DNMT3A: variants seen among roughly 807,000 people sequenced by gnomAD.
DNMT3A encodes DNA methyltransferase 3 alpha.
DNMT3A carries 267 observed loss-of-function variants against 117.6 expected under a neutral mutation model. The observed-to-expected ratio is 2.27, with a 90% CI of 2.05 to 2.51. The LOEUF (loss-of-function observed/expected upper bound fraction) is 2.51. DNMT3A is among the 30% of genes most tolerant of loss of function. DNMT3A has a pLI of 0.00. For missense variants in DNMT3A, 1,029 were observed against 1,260.2 expected (o/e 0.82, Z 2.78); for synonymous variants, 432 against 474.8 (o/e 0.91, Z 1.17).
At chr2:25,312,066 GC>G (rs1165461248) in intron 2 of DNMT3A, among the ~76,000 whole-genome samples, 1 of 152,156 alleles carries the variant, frequency 6.6e-6, no homozygotes, top group Non-Finnish European at 1.5e-5. Flanking sequence ...ACCAGTGACT[GC>G]CAGTGCATTG....
chr2:25,273,487 C>T (rs1472323177), intron 6 of DNMT3A, among the ~76,000 whole-genome samples: 1 of 152,166 alleles, frequency 6.6e-6, no homozygotes, highest in Non-Finnish European at 1.5e-5. Context: ...GGGGTAAAGA[C>T]GAAATGAGAG....
At chr2:25,249,337 C>G (rs1675240932) in intron 6 of DNMT3A, among the ~76,000 whole-genome samples, 1 of 152,202 alleles carries the variant, frequency 6.6e-6, no homozygotes, top group South Asian at 2.1e-4. Flanking sequence ...GTGATGTCTG[C>G]TGACGAAGAA....
chr2:25,260,056 T>C (rs897445953), intron 6 of DNMT3A, among the ~76,000 whole-genome samples: 1 of 152,196 alleles, frequency 6.6e-6, no homozygotes, highest in Non-Finnish European at 1.5e-5. Flanking sequence ...GCCCTATCAA[T>C]TACCCGGAGA....
At position 25,239,125 on chromosome 2, in the gene DNMT3A, C is replaced by T. The variant is rs760540599; in HGVS notation, c.2408+5G>A. 5.6e-6 allele frequency: 9 copies of T among 1,613,652 alleles called. No individual in the cohort carries two copies. The highest frequency in any genetic ancestry group is 1.1e-5 in the South Asian group (1 of 91,050). ...AGCCCCCCAGGCCCAGGAGCTTTCA[C>T]CAACCTGTTCATACCGGGAAGGTTA... On this transcript the variant is annotated splice_donor_5th_base_variant and intron_variant, in intron 20 of 22. Coordinates refer to ENST00000321117, the MANE Select transcript of DNMT3A (RefSeq NM_022552.5).
At chr2:25,310,699 G>T (rs55928417) in intron 2 of DNMT3A, among the ~76,000 whole-genome samples, 62,658 of 152,112 alleles carry the variant, frequency 0.41, 13,238 homozygotes, top group Middle Eastern at 0.48. Context: ...TTCCAGGTCC[G>T]GGGGATTCAC....
At chr2:25,309,343 G>A (rs1026222739) in intron 2 of DNMT3A, among the ~76,000 whole-genome samples, 28 of 152,240 alleles carry the variant, frequency 1.8e-4, no homozygotes, top group Admixed American at 1.8e-3. Flanking sequence ...AGGAGGGCAG[G>A]AGGCAGGAAG....
chr2:25,275,214 G>T (rs2031296178), intron 5 of DNMT3A, 127 bp from the exon 6 acceptor site: 3 of 1,347,044 alleles, frequency 2.2e-6, no homozygotes, highest in Non-Finnish European at 9.8e-7. Context: ...GGAGTGCTGG[G>T]CAGGCCCCGT....
At position 25,275,065 on chromosome 2, in the gene DNMT3A, C is replaced by G. The variant is rs201159986; in HGVS notation, c.515G>C (p.Gly172Ala). 2.5e-6 allele frequency: 4 copies of G among 1,596,524 alleles called. No homozygotes were observed. The African/African-American group carries it at 5.3e-5, about 21-fold the overall frequency. The stretch of plus-strand genomic sequence containing the variant: ...GAGGCTGGACTCCCAGCCCAAGCCA[C>G]CCCGCAGCCGGCCCCGGGAGCCCTA... Reference protein sequence around the residue: ...KMEGSRGRLRGGLGWESSLRQ... With the variant: ...KMEGSRGRLRAGLGWESSLRQ... The change falls in exon 6 of 23, where the codon GGT becomes GCT. Residue 172 changes from glycine (G) to alanine (A), a missense_variant. Coordinates refer to ENST00000321117, the MANE Select transcript of DNMT3A (RefSeq NM_022552.5).
intron 6 of DNMT3A, chr2:25,251,828 A>C: frequency 3.0e-6 from 1 of 338,058 alleles, no homozygotes; most frequent in Non-Finnish European, 5.4e-6. Context: ...GGGAAGTGCC[A>C]GGCACCCATC....
intron 4 of DNMT3A, among the ~76,000 whole-genome samples, chr2:25,277,597 C>T (rs1275741721): frequency 3.3e-5 from 5 of 152,238 alleles, no homozygotes; most frequent in South Asian, 4.1e-4. Context: ...ATTTTCTCCC[C>T]AGCCCGCTTT....
chr2:25,303,403 G>A (rs1362877019), intron 2 of DNMT3A, among the ~76,000 whole-genome samples: 1 of 152,244 alleles, frequency 6.6e-6, no homozygotes, highest in Non-Finnish European at 1.5e-5. Context: ...CACCACGTGT[G>A]CAGGGCCTGT....
In DNMT3A at chr2:25,247,071, CTTTGCGGT is replaced by C; in HGVS notation, c.1094_1101del (p.Tyr365CysfsTer25). On this transcript the variant is annotated frameshift_variant, in exon 9 of 23. Transcript: ENST00000321117. LOFTEE classifies it high-confidence loss of function. This position sits in a 1 kb window ranked among gnomAD's most constrained non-coding sequence, Gnocchi z 5.6. ...CTCACCTGCAGGACCTCGTAGATGG[CTTTGCGGT>C]ACATGGGCTGCTTGTTGTACGTGGC... is the stretch of plus-strand genomic sequence containing the variant. 1 of 1,614,130 alleles carries C rather than the reference CTTTGCGGT, an allele frequency of 6.2e-7. No individual in the cohort carries two copies. The highest frequency in any genetic ancestry group is 2.2e-5 in the East Asian group (1 of 44,886).
intron 6 of DNMT3A, among the ~76,000 whole-genome samples, chr2:25,251,281 C>A (rs1675521722): frequency 6.6e-6 from 1 of 151,840 alleles, no homozygotes; most frequent in Non-Finnish European, 1.5e-5. Flanking sequence ...TTTCCCTCTG[C>A]ACTCCTGCCT....
intron 2 of DNMT3A, among the ~76,000 whole-genome samples, chr2:25,307,018 T>C (rs1185053395): frequency 1.3e-5 from 2 of 152,158 alleles, no homozygotes; most frequent in Non-Finnish European, 2.9e-5. Context: ...CCGTGTGGCC[T>C]CTCTAAGCCC....
At position 25,244,267 on chromosome 2, in the gene DNMT3A, G is replaced by A. The variant is rs773048923; in HGVS notation, c.1739C>T (p.Pro580Leu). The A allele has an allele frequency of 6.2e-7, 1 of 1,613,732 alleles. No individual in the cohort carries two copies. The change falls in exon 15 of 23, where the codon CCC becomes CTC. Residue 580 changes from proline to leucine, a missense_variant. Physicochemically the swap from Pro to Leu is moderately conservative, Grantham distance 98 (BLOSUM62 -3). Coordinates refer to ENST00000321117, the MANE Select transcript of DNMT3A (RefSeq NM_022552.5). The stretch of plus-strand genomic sequence containing the variant: ...GTGCCCGCACATGTAGCAGTTCCAG[G>A]GGTCTTCCTTAATGGCTGCCTGGGC... ...GAAQAAIKED[P>L]WNCYMCGHKG...
At chr2:25,253,839 TGAGGCAGGCG>T (rs1675878053) in intron 6 of DNMT3A, among the ~76,000 whole-genome samples, 1 of 152,162 alleles carries the variant, frequency 6.6e-6, no homozygotes, top group African/African-American at 2.4e-5. Flanking sequence ...TTTGGAAGGC[TGAGGCAGGCG>T]GATCATGAGG....
chr2:25,323,160 G>T (rs1051851479), intron 1 of DNMT3A, among the ~76,000 whole-genome samples: 1 of 152,104 alleles, frequency 6.6e-6, no homozygotes, highest in Non-Finnish European at 1.5e-5. Context: ...CCTTTTTATC[G>T]ATGCGATGGA....
At chr2:25,292,632 C>G (rs1446549977) in intron 3 of DNMT3A, among the ~76,000 whole-genome samples, 2 of 152,178 alleles carry the variant, frequency 1.3e-5, no homozygotes, top group Non-Finnish European at 2.9e-5. Flanking sequence ...CATCCTCTGC[C>G]TTTGTCTCTG....
chr2:25,260,706 A>G (rs1652715781), intron 6 of DNMT3A, among the ~76,000 whole-genome samples: 1 of 152,102 alleles, frequency 6.6e-6, no homozygotes, highest in African/African-American at 2.4e-5. Context: ...GCACACTTGC[A>G]CACACACACA....
Sources: gnomAD v4.1 joint callset for allele counts (sites outside exome capture counted in the v4.1 genomes callset) on GRCh38, gnomAD v4.1.1 for gene constraint, Gnocchi (gnomAD v3.1) non-coding constraint, MANE v1.5 for transcripts, NCBI Gene and HGNC (gene_info 2026-07-23, HGNC 2026-07-21) for gene names.